The following DOCK9 variants were observed in gnomAD, a reference collection of about 807,000 sequenced individuals.
The protein encoded by DOCK9 is dedicator of cytokinesis protein 9.
A neutral mutation model predicts 263.3 loss-of-function variants in DOCK9; 89 were observed. The observed-to-expected ratio is 0.34, with a 90% CI of 0.28 to 0.40. The LOEUF (loss-of-function observed/expected upper bound fraction) is 0.40. DOCK9 is among the 10% of genes least tolerant of loss of function. The probability of loss-of-function intolerance (pLI) is 1.00; values close to 1 mark genes in which losing one functional copy is unlikely to be tolerated. For synonymous variants in DOCK9, 976 were observed against 973.1 expected (o/e 1.00, Z -0.06); for missense variants, 2,140 against 2,603.4 (o/e 0.82, Z 3.87).
At chr13:98,952,632 GCAACCCGCAA>G (rs2057575893) in intron 2 of DOCK9, among the ~76,000 whole-genome samples, 1 of 152,164 alleles carries the variant, frequency 6.6e-6, no homozygotes, top group South Asian at 2.1e-4. Context: ...GCAACTACAT[GCAACCCGCAA>G]ATCTTTTCTT....
At chr13:98,913,280 C>CA (rs2139836011) in intron 9 of DOCK9, among the ~76,000 whole-genome samples, 1 of 151,950 alleles carries the variant, frequency 6.6e-6, no homozygotes, top group East Asian at 1.9e-4. Flanking sequence ...ACTCTAGTAT[C>CA]AAAAAAGAAT....
intron 7 of DOCK9, among the ~76,000 whole-genome samples, chr13:98,915,971 A>G (rs981272013): frequency 6.6e-6 from 1 of 152,108 alleles, no homozygotes; most frequent in African/African-American, 2.4e-5. Flanking sequence ...AAAGCCAACC[A>G]TTATCTATTA....
intron 1 of DOCK9, among the ~76,000 whole-genome samples, chr13:99,019,259 T>C (rs1241325147): frequency 6.6e-6 from 1 of 152,198 alleles, no homozygotes. Flanking sequence ...CTAGCGGGTA[T>C]GAGGTTTCTT....
In DOCK9 at chr13:98,915,230, T is replaced by A; in HGVS notation, c.892+99A>T. Reference sequence around the variant, plus strand: ...GAGCTCCTATCCGTCCCACCTCTCATGTACTTGTGTAACACAGGTCTCCTT... The same window carrying A: ...GAGCTCCTATCCGTCCCACCTCTCAAGTACTTGTGTAACACAGGTCTCCTT... On this transcript the variant is annotated intron_variant, in intron 8 of 52. Coordinates refer to ENST00000682017, the MANE Select transcript of DOCK9 (RefSeq NM_001366683.2). The A allele has an allele frequency of 3.3e-6, 4 of 1,196,256 alleles. No individual in the cohort carries two copies. In the South Asian group the frequency reaches 6.1e-5, roughly 18 times the overall value. The allele number at this position is 1,196,256 out of a possible 1,614,324, so 74.1% of individuals were successfully genotyped here. A position where few individuals can be genotyped will look rare whatever the true frequency, so the allele number is the denominator to read the frequency against.
chr13:98,814,099 A>G (rs1458589620), intron 45 of DOCK9, among the ~76,000 whole-genome samples: 1 of 152,236 alleles, frequency 6.6e-6, no homozygotes, highest in Non-Finnish European at 1.5e-5. Context: ...GATTCAAAGT[A>G]AATAAACATT....
At chr13:98,896,165 G>A (rs1448045247) in intron 15 of DOCK9, among the ~76,000 whole-genome samples, 1 of 152,158 alleles carries the variant, frequency 6.6e-6, no homozygotes, top group Non-Finnish European at 1.5e-5. Flanking sequence ...CTCCAAACAG[G>A]GGAAACATCA....
At chr13:99,010,259 T>G (rs969421280) in intron 1 of DOCK9, among the ~76,000 whole-genome samples, 20 of 152,224 alleles carry the variant, frequency 1.3e-4, no homozygotes, top group African/African-American at 4.8e-4. Flanking sequence ...GCTCTTCAAT[T>G]CTTCCACAGC....
At chr13:98,938,545 A>G (rs1272145957) in intron 2 of DOCK9, among the ~76,000 whole-genome samples, 2 of 152,238 alleles carry the variant, frequency 1.3e-5, no homozygotes, top group Non-Finnish European at 2.9e-5. Flanking sequence ...TGAATACCAT[A>G]TTTGCTTTGA....
At chr13:98,955,088 C>G (rs1481060627) in intron 2 of DOCK9, among the ~76,000 whole-genome samples, 6 of 152,116 alleles carry the variant, frequency 3.9e-5, no homozygotes, top group Non-Finnish European at 5.9e-5. Flanking sequence ...GAGGCCAAGG[C>G]AGATAGATCA....
intron 1 of DOCK9, among the ~76,000 whole-genome samples, chr13:99,045,015 T>C (rs1888821235): frequency 6.6e-6 from 1 of 152,202 alleles, no homozygotes; most frequent in South Asian, 2.1e-4. Flanking sequence ...GATGTCTCAC[T>C]AAGAGGATGT....
intron 1 of DOCK9, among the ~76,000 whole-genome samples, chr13:99,051,597 G>A (rs999326134): frequency 6.6e-6 from 1 of 152,060 alleles, no homozygotes; most frequent in Non-Finnish European, 1.5e-5. Flanking sequence ...CGCTGATAGT[G>A]ATACAAACAT....
chr13:98,951,294 ATT>A (rs2057380527), intron 2 of DOCK9, among the ~76,000 whole-genome samples: 1 of 152,234 alleles, frequency 6.6e-6, no homozygotes, highest in South Asian at 2.1e-4. Context: ...TCCTGCAAAT[ATT>A]TTTACAAATC....
intron 15 of DOCK9, among the ~76,000 whole-genome samples, chr13:98,897,008 T>C (rs547642519): frequency 2.6e-5 from 4 of 152,124 alleles, no homozygotes; most frequent in Admixed American, 2.6e-4. Context: ...AGAGGCAGAG[T>C]GGAGCAATGC....
chr13:98,958,551 T>C (rs143171094), intron 1 of DOCK9, among the ~76,000 whole-genome samples: 1 of 152,356 alleles, frequency 6.6e-6, no homozygotes, highest in East Asian at 1.9e-4. Flanking sequence ...AACTCTGCCA[T>C]TGCGGCACAA....
intron 45 of DOCK9, among the ~76,000 whole-genome samples, chr13:98,815,990 A>G (rs1361956508): frequency 1.3e-5 from 2 of 152,140 alleles, no homozygotes; most frequent in Non-Finnish European, 2.9e-5. Context: ...AATTCTTCTC[A>G]AAGAGTTACC....
intron 1 of DOCK9, among the ~76,000 whole-genome samples, chr13:99,014,642 T>C (rs948143312): frequency 6.6e-6 from 1 of 152,192 alleles, no homozygotes; most frequent in Non-Finnish European, 1.5e-5. Flanking sequence ...AAGCAGCTGC[T>C]GGCAAGACAC....
In DOCK9 at chr13:98,883,801, A is replaced by G. The variant is rs1217760165; in HGVS notation, c.2469+12T>C. On this transcript the variant is annotated intron_variant, in intron 22 of 52. Coordinates refer to ENST00000682017, the MANE Select transcript of DOCK9 (RefSeq NM_001366683.2). ...GGGCAGCAACTGCTAATTTTGTTGA[A>G]GGAGCACATACCTGAGTATACACTG... The G allele has an allele frequency of 6.4e-7, 1 of 1,574,080 alleles. No individual in the cohort carries two copies. The highest frequency in any genetic ancestry group is 8.6e-7 in the Non-Finnish European group (1 of 1,162,810).
chr13:99,073,360 T>C (rs1207613563), intron 1 of DOCK9, among the ~76,000 whole-genome samples: 94 of 141,406 alleles, frequency 6.6e-4, no homozygotes, highest in Non-Finnish European at 9.9e-4. Context: ...TCTTCTTCTT[T>C]TCTCTCTCTC....
chr13:98,991,369 C>T (rs1455119430), intron 1 of DOCK9, among the ~76,000 whole-genome samples: 9 of 152,226 alleles, frequency 5.9e-5, no homozygotes, highest in African/African-American at 1.2e-4. Context: ...CGCACTCGGC[C>T]GCAAACAAGT....
Sources: gnomAD v4.1 joint callset for allele counts (sites outside exome capture counted in the v4.1 genomes callset) on GRCh38, gnomAD v4.1.1 for gene constraint, MANE v1.5 for transcripts, NCBI Gene and HGNC (gene_info 2026-07-23, HGNC 2026-07-21) for gene names.